Variants in MAGI3 observed in about 807,000 individuals in gnomAD.
MAGI3 encodes the protein membrane associated guanylate kinase, WW and PDZ domain containing 3.
MAGI3 carries 43 observed loss-of-function variants against 121.8 expected under a neutral mutation model. The observed-to-expected ratio is 0.35, with a 90% CI of 0.28 to 0.46. MAGI3 has a LOEUF of 0.46. MAGI3 is among the 20% of genes least tolerant of loss of function. The probability of loss-of-function intolerance (pLI) is 1.00; values close to 1 mark genes in which losing one functional copy is unlikely to be tolerated. For synonymous variants in MAGI3, 553 were observed against 639.3 expected, an observed-to-expected ratio of 0.86 and a Z score of 2.04; for missense variants, 1,547 against 1,797.3, an observed-to-expected ratio of 0.86 and a Z score of 2.52.
intron 1 of MAGI3, among the ~76,000 whole-genome samples, chr1:113,437,105 C>T (rs952327025): frequency 6.6e-6 from 1 of 152,092 alleles, no homozygotes; most frequent in South Asian, 2.1e-4. Flanking sequence ...TGAGCCACCG[C>T]ACCCGGCCTG....
chr1:113,542,486 A>C (rs1659337543), intron 1 of MAGI3, among the ~76,000 whole-genome samples: 1 of 152,216 alleles, frequency 6.6e-6, no homozygotes, highest in Non-Finnish European at 1.5e-5. Context: ...CGTTAGATAA[A>C]GAGGAACTCC....
intron 1 of MAGI3, among the ~76,000 whole-genome samples, chr1:113,487,741 T>A (rs1214258169): frequency 1.3e-5 from 2 of 151,630 alleles, no homozygotes; most frequent in Non-Finnish European, 2.9e-5. Flanking sequence ...ATAATACCTA[T>A]TGACATCTGT....
intron 4 of MAGI3, among the ~76,000 whole-genome samples, chr1:113,586,786 G>A (rs1648390033): frequency 6.6e-6 from 1 of 152,084 alleles, no homozygotes; most frequent in Non-Finnish European, 1.5e-5. Flanking sequence ...TTGATTTAAG[G>A]GAAAAGAAAA....
At chr1:113,496,613 G>A (rs1386663755) in intron 1 of MAGI3, among the ~76,000 whole-genome samples, 1 of 152,066 alleles carries the variant, frequency 6.6e-6, no homozygotes, top group Non-Finnish European at 1.5e-5. Context: ...CTATTTCTTA[G>A]TATAATTATG....
chr1:113,603,802 A>G (rs528229902), intron 6 of MAGI3, among the ~76,000 whole-genome samples: 10 of 152,140 alleles, frequency 6.6e-5, no homozygotes, highest in Non-Finnish European at 1.5e-4. Context: ...AATAAAACCC[A>G]CCAAATAATG....
intron 4 of MAGI3, among the ~76,000 whole-genome samples, chr1:113,586,672 A>G (rs1648384529): frequency 6.6e-6 from 1 of 152,194 alleles, no homozygotes; most frequent in Non-Finnish European, 1.5e-5. Flanking sequence ...TAATGTTGAT[A>G]TCAGCTTTGC....
chr1:113,537,556 G>C (rs1352513318), intron 1 of MAGI3, among the ~76,000 whole-genome samples: 4 of 152,094 alleles, frequency 2.6e-5, no homozygotes. Flanking sequence ...ACGTAAACTG[G>C]GGATGTCAGT....
At chr1:113,542,290 C>G (rs1659325822) in intron 1 of MAGI3, among the ~76,000 whole-genome samples, 1 of 152,162 alleles carries the variant, frequency 6.6e-6, no homozygotes, top group African/African-American at 2.4e-5. Context: ...AGAGATGATA[C>G]AGCAGGACAA....
intron 1 of MAGI3, among the ~76,000 whole-genome samples, chr1:113,437,015 C>T (rs1044110162): frequency 5.3e-5 from 8 of 151,902 alleles, no homozygotes; most frequent in South Asian, 2.1e-4. Context: ...AGGGTTTCAC[C>T]GTGTTAGCCA....
At position 113,638,849 on chromosome 1, in the gene MAGI3, A is replaced by G. The variant is rs1033886750; in HGVS notation, c.1361-3062A>G. Reference sequence around the variant, plus strand: ...CCGCCCCCAGAGGTGGAGCCTACAGAGGCAGGCAGGCCTCCTTGAGCTGTG... The same window carrying G: ...CCGCCCCCAGAGGTGGAGCCTACAGGGGCAGGCAGGCCTCCTTGAGCTGTG... On this transcript the variant is annotated intron_variant, in intron 9 of 20. Transcript: ENST00000307546. 3.3e-5 allele frequency among the ~76,000 whole-genome samples: 5 copies of G among 152,348 alleles called. No homozygotes were observed. In the East Asian group the frequency reaches 5.8e-4, roughly 18 times the overall value.
chr1:113,508,094 T>C (rs1298205960), intron 1 of MAGI3, among the ~76,000 whole-genome samples: 2 of 152,160 alleles, frequency 1.3e-5, no homozygotes, highest in East Asian at 3.8e-4. Flanking sequence ...AAACAAAGAA[T>C]GGCAGCTGTA....
intron 9 of MAGI3, among the ~76,000 whole-genome samples, chr1:113,626,968 A>G (rs1295208415): frequency 1.3e-5 from 2 of 151,880 alleles, no homozygotes; most frequent in Non-Finnish European, 2.9e-5. Context: ...CTTTTCTTCT[A>G]TTAATCTAGA....
intron 10 of MAGI3, among the ~76,000 whole-genome samples, chr1:113,642,880 A>G (rs1032780032): frequency 3.9e-5 from 6 of 152,172 alleles, no homozygotes; most frequent in African/African-American, 7.2e-5. Context: ...CTTTCAACCA[A>G]TGGTGTGTCA....
At chr1:113,657,487 A>G (rs1268624743) in intron 15 of MAGI3, among the ~76,000 whole-genome samples, 1 of 152,234 alleles carries the variant, frequency 6.6e-6, no homozygotes, top group Non-Finnish European at 1.5e-5. Flanking sequence ...GGGGACCACT[A>G]AGATTTCAGA....
chr1:113,468,066 A>G (rs1655372492), intron 1 of MAGI3, among the ~76,000 whole-genome samples: 1 of 152,104 alleles, frequency 6.6e-6, no homozygotes, highest in African/African-American at 2.4e-5. Flanking sequence ...TTCCAGTTGT[A>G]TGAAATATCT....
intron 1 of MAGI3, chr1:113,450,631 C>A: frequency 1.9e-6 from 2 of 1,026,482 alleles, no homozygotes; most frequent in Non-Finnish European, 1.5e-6. Context: ...ATTATGGACC[C>A]GTGAAAGGGG....
chr1:113,416,672 A>T (rs910101155), intron 1 of MAGI3, among the ~76,000 whole-genome samples: 9 of 150,606 alleles, frequency 6.0e-5, no homozygotes, highest in Non-Finnish European at 1.0e-4. Flanking sequence ...GATACAGATA[A>T]TGACAGAATA....
At chr1:113,540,209 A>C (rs1341739061) in intron 1 of MAGI3, among the ~76,000 whole-genome samples, 1 of 152,250 alleles carries the variant, frequency 6.6e-6, no homozygotes, top group African/African-American at 2.4e-5. Flanking sequence ...TATCAGTATA[A>C]CAATCACATT....
intron 1 of MAGI3, among the ~76,000 whole-genome samples, chr1:113,401,332 A>G (rs17507114): frequency 0.16 from 24,184 of 152,136 alleles, 2,243 homozygotes; most frequent in Non-Finnish European, 0.2. Context: ...ACACTGGGCA[A>G]GTACTTACAA....
Sources: allele counts gnomAD v4.1 joint callset (sites outside exome capture counted in the v4.1 genomes callset), GRCh38; gene constraint gnomAD v4.1.1; transcripts MANE v1.5; gene names NCBI Gene and HGNC (gene_info 2026-07-23, HGNC 2026-07-21).